Variants in SND1 observed in about 807,000 individuals in gnomAD.
SND1 encodes staphylococcal nuclease and tudor domain containing 1, also known as staphylococcal nuclease domain-containing protein 1.
A neutral mutation model predicts 121.7 loss-of-function variants in SND1; 38 were observed. That is an observed-to-expected ratio of 0.31 (90% CI 0.24 to 0.41). The LOEUF is 0.41. SND1 is among the 10% of genes least tolerant of loss of function. The pLI is 1.00. For synonymous variants in SND1, 401 were observed against 447.4 expected, an observed-to-expected ratio of 0.90 and a Z score of 1.31; for missense variants, 868 against 1,184.6, an observed-to-expected ratio of 0.73 and a Z score of 3.92.
chr7:127,682,489 C>T (rs758553621), intron 1 of SND1, among the ~76,000 whole-genome samples: 1 of 152,186 alleles, frequency 6.6e-6, no homozygotes, highest in Non-Finnish European at 1.5e-5. Context: ...GTTCTAAGAT[C>T]ATTTTTCTAG....
chr7:127,667,163 G>T (rs1232415896), intron 1 of SND1, among the ~76,000 whole-genome samples: 1 of 152,104 alleles, frequency 6.6e-6, no homozygotes, highest in East Asian at 1.9e-4. Context: ...GGTCAGCTCT[G>T]TATATAAATC....
chr7:127,949,106 C>T (rs1037888169), intron 15 of SND1: 10 of 152,154 alleles, frequency 6.6e-5, no homozygotes, highest in African/African-American at 2.4e-4. Context: ...TTTTGCATTC[C>T]CTGACTCATT....
chr7:127,895,355 G>A (rs915869687), intron 13 of SND1, among the ~76,000 whole-genome samples: 22 of 152,026 alleles, frequency 1.4e-4, no homozygotes, highest in Admixed American at 9.2e-4. Flanking sequence ...GCGGTAGTTC[G>A]GTGCCTTACG....
Position 128,052,940 on chromosome 7 carries a change from A to T in SND1, c.1780-21562A>T, listed in dbSNP as rs773860273. ...TGTATGGATAGTGCAAGTCTAGAACACACAAGAATTGGCATATGATTATCT... is the reference window on the plus strand; with the variant it reads ...TGTATGGATAGTGCAAGTCTAGAACTCACAAGAATTGGCATATGATTATCT... On this transcript the variant is annotated intron_variant, in intron 16 of 23. Transcript: ENST00000354725. This position sits in a 1 kb window ranked among gnomAD's most constrained non-coding sequence, Gnocchi z 4.6. Among the ~76,000 whole-genome samples, 4 of 152,268 alleles carry T rather than the reference A, an allele frequency of 2.6e-5. No individual in the cohort carries two copies. Among genetic ancestry groups the T allele is most frequent in the Non-Finnish European group, 4.4e-5 (3 of 68,048 alleles).
intron 10 of SND1, among the ~76,000 whole-genome samples, chr7:127,723,085 G>GCC (rs1796524280): frequency 6.6e-6 from 1 of 152,186 alleles, no homozygotes; most frequent in Non-Finnish European, 1.5e-5. Context: ...TGTATCATCA[G>GCC]CCAGTGCATT....
intron 16 of SND1, among the ~76,000 whole-genome samples, chr7:128,050,688 CTT>C (rs1432715963): frequency 6.6e-6 from 1 of 152,212 alleles, no homozygotes; most frequent in African/African-American, 2.4e-5. Flanking sequence ...CCAAATCTCT[CTT>C]CCATTTATCA....
intron 16 of SND1, 37 bp downstream of exon 16, chr7:127,991,093 G>C (rs1217820985): frequency 5.3e-6 from 8 of 1,515,756 alleles, no homozygotes; most frequent in Non-Finnish European, 6.4e-6. Context: ...TGTGAGGAGG[G>C]GTGACAAAAT....
intron 15 of SND1, among the ~76,000 whole-genome samples, chr7:127,952,276 A>G (rs996428124): frequency 8.5e-5 from 13 of 152,228 alleles, no homozygotes; most frequent in Non-Finnish European, 1.8e-4. Flanking sequence ...GTGGGATATC[A>G]TTTCCAAGAC....
chr7:127,873,522 T>C (rs1734847505), intron 12 of SND1, among the ~76,000 whole-genome samples: 1 of 152,170 alleles, frequency 6.6e-6, no homozygotes, highest in Admixed American at 6.5e-5. Flanking sequence ...TCAAGACTTC[T>C]TGAAGCCTAA....
intron 1 of SND1, among the ~76,000 whole-genome samples, chr7:127,673,258 TATA>T (rs888816399): frequency 1.3e-5 from 2 of 149,624 alleles, no homozygotes; most frequent in Non-Finnish European, 3.0e-5. Context: ...TATATAGTAT[TATA>T]ATATGTAACT....
chr7:127,863,805 C>T (rs1233601976), intron 12 of SND1, among the ~76,000 whole-genome samples: 1 of 152,152 alleles, frequency 6.6e-6, no homozygotes, highest in Non-Finnish European at 1.5e-5. Flanking sequence ...TCAGCTCTGC[C>T]TTTGTAGCGG....
At position 127,698,931 on chromosome 7, in the gene SND1, A is replaced by G; in HGVS notation, c.406A>G (p.Arg136Gly). The change falls in exon 4 of 24, where the codon AGA (arginine) becomes GGA (glycine). Residue 136 changes from arginine (R) to glycine (G), a missense_variant. Around this residue, in one of 2 missense-constraint regions of SND1, gnomAD observed 743 missense variants for 1,071.3 expected, o/e 0.69. Coordinates refer to ENST00000354725, the MANE Select transcript of SND1 (RefSeq NM_014390.4). The stretch of plus-strand genomic sequence containing the variant: ...GGTTGCAGAGGGCTTAGCCACCCGG[A>G]GAGAAGGCATGAGAGCTAATAAGTA... ...SLVAEGLATR[R>G]EGMRANNPEQ... 1 of 1,613,672 alleles carries G rather than the reference A, an allele frequency of 6.2e-7. No individual in the cohort carries two copies. The highest frequency in any genetic ancestry group is 8.5e-7 in the Non-Finnish European group (1 of 1,179,634).
chr7:128,033,385 A>C (rs1792687715), intron 16 of SND1, among the ~76,000 whole-genome samples: 2 of 152,006 alleles, frequency 1.3e-5, no homozygotes, highest in Admixed American at 6.5e-5. Context: ...CCTTCCCTTC[A>C]AGAGCTGCCT....
At chr7:127,967,387 G>C (rs901748793) in intron 15 of SND1, among the ~76,000 whole-genome samples, 8 of 152,170 alleles carry the variant, frequency 5.3e-5, no homozygotes, top group African/African-American at 1.9e-4. Flanking sequence ...AATCACGATG[G>C]AGCAAATCAG....
At chr7:128,018,661 G>A (rs995472133) in intron 16 of SND1, among the ~76,000 whole-genome samples, 5 of 152,176 alleles carry the variant, frequency 3.3e-5, no homozygotes, top group African/African-American at 1.2e-4. Context: ...CGGGCTGCCT[G>A]CTGGCACATC....
At chr7:127,938,504 A>G (rs1160706266) in intron 15 of SND1, among the ~76,000 whole-genome samples, 1 of 152,198 alleles carries the variant, frequency 6.6e-6, no homozygotes, top group African/African-American at 2.4e-5. Flanking sequence ...TTGAATGGAA[A>G]AGTTTTCCTC....
chr7:128,015,563 C>A lies in SND1; in HGVS notation c.1779+24507C>A, dbSNP rs1055247616. 3.3e-5 allele frequency among the ~76,000 whole-genome samples: 5 copies of A among 152,254 alleles called. 1 individual carries two copies. Among genetic ancestry groups the A allele is most frequent in the Admixed American group, 3.3e-4 (5 of 15,300 alleles). The stretch of plus-strand genomic sequence containing the variant: ...TCTCAAAGTACAATGCTCAGTTTTT[C>A]AGTCTGGTTCAAGGTGCTTAAAGGT... On this transcript the variant is annotated intron_variant, in intron 16 of 23. Coordinates refer to ENST00000354725, the MANE Select transcript of SND1 (RefSeq NM_014390.4). This position sits in a 1 kb window ranked among gnomAD's most constrained non-coding sequence, Gnocchi z 4.5.
chr7:127,655,626 G>A (rs75346621), intron 1 of SND1, among the ~76,000 whole-genome samples: 1,953 of 152,218 alleles, frequency 0.013, 24 homozygotes, highest in Non-Finnish European at 0.016. Flanking sequence ...TTATTTTCTC[G>A]AAACCCTGAA....
chr7:128,028,831 G>A, intron 16 of SND1: 1 of 1,614,128 alleles, frequency 6.2e-7, no homozygotes, highest in Non-Finnish European at 8.5e-7. Context: ...TAGTTAATAT[G>A]GTCATGAATT....
Sources: gnomAD v4.1 joint callset for allele counts (sites outside exome capture counted in the v4.1 genomes callset) on GRCh38, gnomAD v4.1.1 for gene constraint, gnomAD v4.1.1 regional missense constraint, Gnocchi (gnomAD v3.1) non-coding constraint, MANE v1.5 for transcripts, NCBI Gene and HGNC (gene_info 2026-07-23, HGNC 2026-07-21) for gene names.